PIEZO2: variants seen among roughly 807,000 people sequenced by gnomAD.
The protein encoded by PIEZO2 is piezo type mechanosensitive ion channel component 2, also known as piezo-type mechanosensitive ion channel component 2.
A neutral mutation model predicts 337.3 loss-of-function variants in PIEZO2; 172 were observed. The ratio of observed to expected loss-of-function variants is 0.51; its 90% CI spans 0.45 to 0.58. PIEZO2 has a LOEUF of 0.58. Among genes scored for constraint, PIEZO2 ranks in the 20% least tolerant of loss-of-function variants. The pLI, the probability that PIEZO2 is intolerant of heterozygous loss-of-function variation, is 0.00. For missense variants in PIEZO2, 3,028 were observed against 3,391.3 expected (o/e 0.89, Z 2.66); for synonymous variants, 1,251 against 1,228.5 (o/e 1.02, Z -0.38).
chr18:11,042,537 G>A (rs2037162139), intron 2 of PIEZO2, among the ~76,000 whole-genome samples: 1 of 152,242 alleles, frequency 6.6e-6, no homozygotes, highest in Admixed American at 6.5e-5. Flanking sequence ...GATGCCCTGA[G>A]ATAATGCTGT....
intron 7 of PIEZO2, among the ~76,000 whole-genome samples, chr18:10,842,446 C>G (rs1441846397): frequency 6.6e-6 from 1 of 152,118 alleles, no homozygotes; most frequent in Non-Finnish European, 1.5e-5. Context: ...AGTTCTTGCT[C>G]TATTACTTGC....
At chr18:10,803,182 C>T (rs561528222) in intron 9 of PIEZO2, among the ~76,000 whole-genome samples, 5 of 152,252 alleles carry the variant, frequency 3.3e-5, no homozygotes, top group African/African-American at 1.2e-4. Flanking sequence ...CACGTGCTGT[C>T]ATGTCAGGTG....
In PIEZO2 at chr18:11,047,565, A is replaced by G. The variant is rs2037361028; in HGVS notation, c.160+18562T>C. ...AAGCTTGGATAAGGCAGATCCTTTT[A>G]GCAGAAAACAGTTCCCAGAACAGAC... On this transcript the variant is annotated intron_variant, in intron 2 of 55. Transcript: ENST00000674853. This position sits in a 1 kb window ranked among gnomAD's most constrained non-coding sequence, Gnocchi z 7.2. Among the ~76,000 whole-genome samples the G allele has an allele frequency of 6.6e-6, 1 of 152,186 alleles. No individual in the cohort carries two copies. Among genetic ancestry groups the G allele is most frequent in the South Asian group, 2.1e-4 (1 of 4,830 alleles).
intron 2 of PIEZO2, among the ~76,000 whole-genome samples, chr18:11,061,916 T>C (rs1027772474): frequency 5.3e-4 from 80 of 152,238 alleles, no homozygotes; most frequent in Non-Finnish European, 1.0e-3. Context: ...TACTTTAAAG[T>C]TCATATGGAA....
intron 3 of PIEZO2, among the ~76,000 whole-genome samples, chr18:10,957,014 A>G (rs1243833843): frequency 6.6e-6 from 1 of 151,904 alleles, no homozygotes; most frequent in Non-Finnish European, 1.5e-5. Flanking sequence ...CAGGATATAC[A>G]GTCCAGAAAT....
chr18:10,707,494 A>G lies in PIEZO2; in HGVS notation c.5588+781T>C, dbSNP rs764069764. Among the ~76,000 whole-genome samples, 1 of 152,182 alleles carries G rather than the reference A, an allele frequency of 6.6e-6. No homozygotes were observed. Among genetic ancestry groups the G allele is most frequent in the Non-Finnish European group, 1.5e-5 (1 of 68,036 alleles). On this transcript the variant is annotated intron_variant, in intron 40 of 55. Transcript: ENST00000674853. The surrounding 1 kb of genome is among the most constrained non-coding windows in gnomAD (Gnocchi z 4.2). ...CTCTGACTTGCCACCATGAGCAGTC[A>G]AAACGAAACTTGTCTTGGATTAGGC...
chr18:10,935,698 C>T (rs902231834), intron 3 of PIEZO2, among the ~76,000 whole-genome samples: 3 of 152,174 alleles, frequency 2.0e-5, no homozygotes, highest in Non-Finnish European at 4.4e-5. Flanking sequence ...CAACTGGGGC[C>T]GCTGCTGAAG....
chr18:10,764,380 G>C (rs1042620543), intron 21 of PIEZO2, among the ~76,000 whole-genome samples: 4 of 152,070 alleles, frequency 2.6e-5, no homozygotes, highest in African/African-American at 9.7e-5. Flanking sequence ...GGTGGCTCAC[G>C]CCTGTAATCC....
chr18:11,143,556 T>C lies in PIEZO2; in HGVS notation c.64+4969A>G, dbSNP rs2040714932. Among the ~76,000 whole-genome samples, 1 of 151,278 alleles carries C rather than the reference T, an allele frequency of 6.6e-6. No homozygotes were observed. The highest frequency in any genetic ancestry group is 1.5e-5 in the Non-Finnish European group (1 of 67,942). On this transcript the variant is annotated intron_variant, in intron 1 of 55. Coordinates refer to ENST00000674853, the MANE Select transcript of PIEZO2 (RefSeq NM_001378183.1). The surrounding 1 kb of genome is among the most constrained non-coding windows in gnomAD (Gnocchi z 4.9). ...AAAATGCAACTGCAGATTTGGAATA[T>C]TGAGTAAAACTGGTGAGAAAAATCC... is the stretch of plus-strand genomic sequence containing the variant.
chr18:11,010,660 T>C (rs1018577875), intron 2 of PIEZO2, among the ~76,000 whole-genome samples: 10 of 152,158 alleles, frequency 6.6e-5, no homozygotes, highest in African/African-American at 2.4e-4. Flanking sequence ...CAACTTGAAA[T>C]GGGGGGCTCT....
intron 1 of PIEZO2, among the ~76,000 whole-genome samples, chr18:11,107,481 C>T (rs1362182118): frequency 6.6e-6 from 1 of 151,888 alleles, no homozygotes; most frequent in African/African-American, 2.4e-5. Flanking sequence ...CAAAGTAAAA[C>T]ATTAAAAAAC....
rs2042152159 is a variant in PIEZO2 at position 10,872,025 on chromosome 18, A to G, written c.330-610T>C. 6.6e-6 allele frequency among the ~76,000 whole-genome samples: 1 copy of G among 152,202 alleles called. No homozygotes were observed. The highest frequency in any genetic ancestry group is 1.5e-5 in the Non-Finnish European group (1 of 68,034). On this transcript the variant is annotated intron_variant, in intron 4 of 55. Transcript: ENST00000674853. This position sits in a 1 kb window ranked among gnomAD's most constrained non-coding sequence, Gnocchi z 4.3. ...TTGCATCCTGCTGGGGGCTTCTCAC[A>G]GCCATCTGTTCTGCTGTGCTGAGGA...
rs8098680 is a variant in PIEZO2, at chr18:10,819,048, C to T, written c.918-11774G>A. 7.1e-4 allele frequency among the ~76,000 whole-genome samples: 108 copies of T among 152,266 alleles called. No individual in the cohort carries two copies. The highest frequency in any genetic ancestry group is 2.3e-3 in the African/African-American group (96 of 41,578). Reference sequence around the variant, plus strand: ...CACTTTAAACAGTAAATATACACATCGTCCCCCACCAAAATAATATGGAAA... The same window carrying T: ...CACTTTAAACAGTAAATATACACATTGTCCCCCACCAAAATAATATGGAAA... On this transcript the variant is annotated intron_variant, in intron 7 of 55. Transcript: ENST00000674853. The surrounding 1 kb of genome is among the most constrained non-coding windows in gnomAD (Gnocchi z 4.3).
chr18:11,005,318 A>G (rs755619441), intron 2 of PIEZO2, among the ~76,000 whole-genome samples: 12 of 152,340 alleles, frequency 7.9e-5, no homozygotes, highest in African/African-American at 2.9e-4. Flanking sequence ...CAAAGTTCCC[A>G]CCATGCTACA....
Position 11,001,901 on chromosome 18 carries a change from AGGAAGAAGGAAGGAAGGAAG to A in PIEZO2, c.161-22261_161-22242del, listed in dbSNP as rs1366584995. On this transcript the variant is annotated intron_variant, in intron 2 of 55. Coordinates refer to ENST00000674853, the MANE Select transcript of PIEZO2 (RefSeq NM_001378183.1). This position sits in a 1 kb window ranked among gnomAD's most constrained non-coding sequence, Gnocchi z 5.3. ...AAGAAAAAGGAGAAAAAGGGAAGGA[AGGAAGAAGGAAGGAAGGAAG>A]GAAGGAAGGAAGGAAGGAAGGAAGG... Among the ~76,000 whole-genome samples, 5 of 116,428 alleles carry A rather than the reference AGGAAGAAGGAAGGAAGGAAG, an allele frequency of 4.3e-5. No homozygotes were observed. Among genetic ancestry groups the A allele is most frequent in the Admixed American group, 9.9e-5 (1 of 10,056 alleles). The allele number at this position is 116,428 out of a possible 152,430, so 76.4% of individuals were successfully genotyped here. A position where few individuals can be genotyped will look rare whatever the true frequency, so the allele number is the denominator to read the frequency against.
chr18:11,101,807 C>G lies in PIEZO2; in HGVS notation c.65-35585G>C, dbSNP rs1226838948. Among the ~76,000 whole-genome samples, 5 of 152,336 alleles carry G rather than the reference C, an allele frequency of 3.3e-5. No individual in the cohort carries two copies. The highest frequency in any genetic ancestry group is 2.1e-4 in the South Asian group (1 of 4,828). ...ATGTAGACCCCGACCAGGCAGAAGG[C>G]CTCGGCTACTCCCATGCTAAATTTT... On this transcript the variant is annotated intron_variant, in intron 1 of 55. Transcript: ENST00000674853. The surrounding 1 kb of genome is among the most constrained non-coding windows in gnomAD (Gnocchi z 4.4).
intron 2 of PIEZO2, among the ~76,000 whole-genome samples, chr18:11,024,938 G>GA (rs1451864566): frequency 6.7e-6 from 1 of 149,710 alleles, no homozygotes; most frequent in Non-Finnish European, 1.5e-5. Flanking sequence ...CGTGCCCAGC[G>GA]AAGGTTTTTT....
At chr18:11,025,255 C>T (rs1470324749) in intron 2 of PIEZO2, among the ~76,000 whole-genome samples, 1 of 152,192 alleles carries the variant, frequency 6.6e-6, no homozygotes, top group Non-Finnish European at 1.5e-5. Context: ...ATATAACCCT[C>T]TGGAAACAGT....
chr18:10,758,221 C>A, intron 26 of PIEZO2, 87 bp from the exon 27 acceptor site: 1 of 1,368,764 alleles, frequency 7.3e-7, no homozygotes, highest in South Asian at 1.4e-5. Flanking sequence ...CAGCAACAGC[C>A]ATTCCCCAGC....
Sources: allele counts gnomAD v4.1 joint callset (sites outside exome capture counted in the v4.1 genomes callset), GRCh38; gene constraint gnomAD v4.1.1; non-coding constraint Gnocchi (gnomAD v3.1); transcripts MANE v1.5; gene names NCBI Gene and HGNC (gene_info 2026-07-23, HGNC 2026-07-21).